Variants in PCDH7 observed in about 807,000 individuals in gnomAD.
The protein encoded by PCDH7 is protocadherin-7.
In PCDH7, 17 loss-of-function variants were observed where a neutral mutation model predicts 58.9. That is an observed-to-expected ratio of 0.29 (90% CI 0.20 to 0.43). PCDH7 has a LOEUF of 0.43. PCDH7 is among the 20% of genes least tolerant of loss of function. The pLI is 1.00. For missense variants in PCDH7, 1,274 were observed against 1,441.0 expected (o/e 0.88, Z 1.88); for synonymous variants, 664 against 616.4 (o/e 1.08, Z -1.14).
chr4:31,137,002 A>G (rs542079239), intron 3 of PCDH7, among the ~76,000 whole-genome samples: 4 of 152,354 alleles, frequency 2.6e-5, no homozygotes, highest in East Asian at 1.9e-4. Flanking sequence ...TCATTTGAGT[A>G]AAAGATATTT....
At chr4:31,108,498 G>A (rs573041412) in intron 3 of PCDH7, among the ~76,000 whole-genome samples, 6 of 150,180 alleles carry the variant, frequency 4.0e-5, no homozygotes, top group South Asian at 2.1e-4. Flanking sequence ...CTGCTAATTC[G>A]ATGAATCAGT....
At chr4:30,895,333 A>C (rs1379092454) in intron 1 of PCDH7, among the ~76,000 whole-genome samples, 1 of 152,138 alleles carries the variant, frequency 6.6e-6, no homozygotes, top group Non-Finnish European at 1.5e-5. Context: ...AAATAGGGAA[A>C]TAGGAATAGT....
At position 30,723,601 on chromosome 4, in the gene PCDH7, A is replaced by G; in HGVS notation, c.2179A>G (p.Thr727Ala). Residue 727 changes from threonine (T) to alanine (A), a missense_variant, in exon 1 of 2, where the codon ACA (threonine) becomes GCA (alanine). Physicochemically the swap from Thr to Ala is moderately conservative, Grantham distance 58 (BLOSUM62 0). Transcript: ENST00000361762. The surrounding 1 kb of genome is among the most constrained non-coding windows in gnomAD (Gnocchi z 4.6). ...AGATCCTCCCAGATCTGCCACAGCT[A>G]CAGTCTCGCTTTTTGTGATGGATGA... 1.2e-6 allele frequency: 2 copies of G among 1,614,194 alleles called. No individual in the cohort carries two copies. The highest frequency in any genetic ancestry group is 1.1e-5 in the South Asian group (1 of 91,086).
At chr4:30,765,454 G>A (rs1341405386) in intron 1 of PCDH7, among the ~76,000 whole-genome samples, 1 of 152,058 alleles carries the variant, frequency 6.6e-6, no homozygotes, top group Non-Finnish European at 1.5e-5. Context: ...TGTTTGTTTA[G>A]TCCCTGGTAC....
intron 3 of PCDH7, among the ~76,000 whole-genome samples, chr4:30,997,797 A>T (rs996288266): frequency 1.3e-5 from 2 of 152,140 alleles, no homozygotes; most frequent in South Asian, 2.1e-4. Context: ...TAATAAAGGG[A>T]AGTCATCAGG....
chr4:30,870,160 G>A (rs35076346), intron 1 of PCDH7, among the ~76,000 whole-genome samples: 2 of 151,990 alleles, frequency 1.3e-5, no homozygotes, highest in African/African-American at 2.4e-5. Context: ...CTTTGTTTAA[G>A]TTTGTTTTAG....
intron 3 of PCDH7, among the ~76,000 whole-genome samples, chr4:31,059,103 T>A (rs1757481823): frequency 6.6e-6 from 1 of 152,026 alleles, no homozygotes; most frequent in Non-Finnish European, 1.5e-5. Flanking sequence ...AATTGTGATA[T>A]TTGTCTTGAC....
chr4:30,843,665 T>G (rs10025293), intron 1 of PCDH7, among the ~76,000 whole-genome samples: 48,323 of 152,048 alleles, frequency 0.32, 10,090 homozygotes, highest in African/African-American at 0.6. Flanking sequence ...ATTTTAACAC[T>G]TTTAAATAAC....
chr4:31,097,587 C>CATATATATATAT (rs1190443409), intron 3 of PCDH7, among the ~76,000 whole-genome samples: 16 of 40,070 alleles, frequency 4.0e-4, no homozygotes, highest in Admixed American at 9.2e-4. Flanking sequence ...TCCAAATATA[C>CATATATATATAT]ATATATATAT....
intron 3 of PCDH7, among the ~76,000 whole-genome samples, chr4:31,140,254 A>C (rs963550046): frequency 6.6e-6 from 1 of 152,190 alleles, no homozygotes; most frequent in African/African-American, 2.4e-5. Context: ...AATGAATTTC[A>C]AACTAAAAAC....
intron 3 of PCDH7, among the ~76,000 whole-genome samples, chr4:31,030,069 G>T (rs971523632): frequency 1.3e-5 from 2 of 152,054 alleles, no homozygotes; most frequent in Non-Finnish European, 1.5e-5. Flanking sequence ...TTGTAGCTCT[G>T]CAGTCATTAG....
chr4:30,989,506 T>G (rs1173593504), intron 3 of PCDH7, among the ~76,000 whole-genome samples: 2 of 152,158 alleles, frequency 1.3e-5, no homozygotes, highest in Non-Finnish European at 2.9e-5. Context: ...GCATTATGCC[T>G]GAAAGTCTCT....
intron 2 of PCDH7, among the ~76,000 whole-genome samples, chr4:30,926,334 G>T (rs759775123): frequency 1.5e-4 from 23 of 151,866 alleles, no homozygotes; most frequent in Non-Finnish European, 2.9e-4. Context: ...ATAGGCGCCC[G>T]CCACCACACT....
intron 3 of PCDH7, among the ~76,000 whole-genome samples, chr4:31,041,539 C>T (rs1755858958): frequency 6.6e-6 from 1 of 152,086 alleles, no homozygotes. Context: ...TAAGCAAAAT[C>T]CTGAAGGAGC....
intron 1 of PCDH7, among the ~76,000 whole-genome samples, chr4:30,864,432 A>AACAC (rs5857208): frequency 0.062 from 9,029 of 146,578 alleles, 283 homozygotes; most frequent in Middle Eastern, 0.092. Context: ...ATTATTGGAG[A>AACAC]ACACACACAC....
intron 1 of PCDH7, among the ~76,000 whole-genome samples, chr4:30,822,647 A>T (rs1728522837): frequency 6.6e-6 from 1 of 152,062 alleles, no homozygotes; most frequent in Admixed American, 6.6e-5. Context: ...AGACATTTCA[A>T]ATACTGGGCT....
chr4:31,034,445 T>C (rs573655238), intron 3 of PCDH7, among the ~76,000 whole-genome samples: 1 of 152,372 alleles, frequency 6.6e-6, no homozygotes, highest in South Asian at 2.1e-4. Context: ...TTATGGTTTT[T>C]GATTTTCAAA....
At position 30,836,817 on chromosome 4, in the gene PCDH7, G is replaced by A. The variant is rs148313555; in HGVS notation, c.71-83336G>A. ...ACACAAGAGATGAAAATCCCACCAC[G>A]AATACACCCATTTACATTCTTGTGA... is the stretch of plus-strand genomic sequence containing the variant. On this transcript the variant is annotated intron_variant, in intron 1 of 3. Coordinates refer to the PCDH7 transcript ENST00000509759. Among the ~76,000 whole-genome samples, 127 of 152,074 alleles carry A rather than the reference G, an allele frequency of 8.4e-4. 1 individual carries two copies. The East Asian group carries it at 0.021, about 25-fold the overall frequency.
At chr4:30,854,997 G>A (rs890714717) in intron 1 of PCDH7, among the ~76,000 whole-genome samples, 1 of 152,120 alleles carries the variant, frequency 6.6e-6, no homozygotes, top group African/African-American at 2.4e-5. Flanking sequence ...TTATGATCTA[G>A]CAATTACGTT....
Sources: gnomAD v4.1 joint callset for allele counts (sites outside exome capture counted in the v4.1 genomes callset) on GRCh38, gnomAD v4.1.1 for gene constraint, Gnocchi (gnomAD v3.1) non-coding constraint, MANE v1.5 for transcripts, NCBI Gene and HGNC (gene_info 2026-07-23, HGNC 2026-07-21) for gene names.